MPPED2: variants seen among roughly 807,000 people sequenced by gnomAD.
MPPED2 encodes metallophosphoesterase domain containing 2, also known as metallophosphoesterase MPPED2.
Under a neutral mutation model 33.0 loss-of-function variants are expected in MPPED2, and 5 were observed. The ratio of observed to expected loss-of-function variants is 0.15; its 90% confidence interval spans 0.08 to 0.32. The LOEUF is 0.32. MPPED2 is among the 10% of genes least tolerant of loss of function. MPPED2 has a pLI of 1.00. For missense variants in MPPED2, 275 were observed against 372.1 expected, an observed-to-expected ratio of 0.74 and a Z score of 2.15; for synonymous variants, 136 against 141.9, an observed-to-expected ratio of 0.96 and a Z score of 0.29.
At chr11:30,562,284 G>T (rs1956270031) in intron 2 of MPPED2, among the ~76,000 whole-genome samples, 1 of 152,146 alleles carries the variant, frequency 6.6e-6, no homozygotes, top group African/African-American at 2.4e-5. Context: ...AGCCCATAAG[G>T]CCAGAAGATG....
chr11:30,471,106 C>T (rs1002043775), intron 4 of MPPED2, among the ~76,000 whole-genome samples: 2 of 152,180 alleles, frequency 1.3e-5, no homozygotes, highest in African/African-American at 4.8e-5. Flanking sequence ...CTTAACTTCT[C>T]CCTTGCCCTC....
chr11:30,559,634 T>C (rs1222807801), intron 2 of MPPED2, among the ~76,000 whole-genome samples: 23 of 152,154 alleles, frequency 1.5e-4, no homozygotes, highest in Admixed American at 1.5e-3. Context: ...TCCTTCAAAG[T>C]CTTATAGAAA....
chr11:30,559,573 T>C (rs1164995477), intron 2 of MPPED2, among the ~76,000 whole-genome samples: 1 of 152,194 alleles, frequency 6.6e-6, no homozygotes, highest in Non-Finnish European at 1.5e-5. Flanking sequence ...AATGAAATGT[T>C]TTTCCTAGAT....
intron 6 of MPPED2, among the ~76,000 whole-genome samples, chr11:30,404,679 T>C (rs138897887): frequency 2.8e-4 from 42 of 152,372 alleles, no homozygotes; most frequent in African/African-American, 1.0e-3. Flanking sequence ...TTAACTATTA[T>C]TTACATCTTT....
chr11:30,495,052 A>G, intron 4 of MPPED2: 2 of 473,282 alleles, frequency 4.2e-6, no homozygotes, highest in South Asian at 2.9e-5. Context: ...ACACTGAGGG[A>G]GGCATGACTG....
chr11:30,576,768 G>T (rs921328698), intron 2 of MPPED2, among the ~76,000 whole-genome samples: 17 of 151,862 alleles, frequency 1.1e-4, no homozygotes, highest in Admixed American at 3.9e-4. Flanking sequence ...ACATCTATTA[G>T]TATGCTCAAG....
chr11:30,531,726 C>T (rs1201934351), intron 3 of MPPED2, among the ~76,000 whole-genome samples: 1 of 152,212 alleles, frequency 6.6e-6, no homozygotes, highest in Non-Finnish European at 1.5e-5. Flanking sequence ...AAGTTGTCTA[C>T]ACCAAATGGG....
chr11:30,495,965 C>G (rs1952231809), intron 3 of MPPED2, among the ~76,000 whole-genome samples: 3 of 152,244 alleles, frequency 2.0e-5, no homozygotes, highest in South Asian at 4.1e-4. Context: ...ATGCTTCATA[C>G]TAAAGACATG....
At position 30,516,310 on chromosome 11, in the gene MPPED2, C is replaced by T. The variant is rs142255356; in HGVS notation, c.310+19684G>A. On this transcript the variant is annotated intron_variant, in intron 3 of 6. Coordinates refer to ENST00000358117, the MANE Select transcript of MPPED2 (RefSeq NM_001584.3). ...ACACTCTTCTGATGCATCCAAGTCT[C>T]GTTATTATTATTATTATTTCTATAC... 3.3e-4 allele frequency among the ~76,000 whole-genome samples: 50 copies of T among 152,178 alleles called. No homozygotes were observed. In the East Asian group the frequency reaches 9.3e-3, roughly 28 times the overall value.
chr11:30,453,277 C>G (rs1243623580), intron 4 of MPPED2, among the ~76,000 whole-genome samples: 1 of 152,238 alleles, frequency 6.6e-6, no homozygotes, highest in South Asian at 2.1e-4. Flanking sequence ...CTAAAGCGTT[C>G]CAGGTTCAGA....
At chr11:30,433,739 GAGAT>G (rs895513666) in intron 4 of MPPED2, among the ~76,000 whole-genome samples, 8 of 152,178 alleles carry the variant, frequency 5.3e-5, no homozygotes, top group African/African-American at 9.7e-5. Context: ...TTTTGCAACA[GAGAT>G]AGATAGAAAA....
intron 4 of MPPED2, among the ~76,000 whole-genome samples, chr11:30,443,367 A>G (rs1309685732): frequency 6.6e-6 from 1 of 152,132 alleles, no homozygotes; most frequent in Non-Finnish European, 1.5e-5. Context: ...GGGGTTTAGT[A>G]AAGTTAGATA....
intron 4 of MPPED2, among the ~76,000 whole-genome samples, chr11:30,432,994 T>C (rs1949150383): frequency 6.6e-6 from 1 of 152,240 alleles, no homozygotes; most frequent in Non-Finnish European, 1.5e-5. Flanking sequence ...TAGGCACATG[T>C]TTCTCCTTGC....
intron 2 of MPPED2, among the ~76,000 whole-genome samples, chr11:30,549,548 C>T (rs766476935): frequency 6.6e-6 from 1 of 152,158 alleles, no homozygotes; most frequent in Non-Finnish European, 1.5e-5. Context: ...ACTTGCAGGT[C>T]TCCTATAACT....
At position 30,412,020 on chromosome 11, in the gene MPPED2, G is replaced by C. The variant is rs569630145; in HGVS notation, c.767-434C>G. 1.4e-3 allele frequency among the ~76,000 whole-genome samples: 209 copies of C among 151,900 alleles called. 1 individual carries two copies. The highest frequency in any genetic ancestry group is 4.7e-3 in the African/African-American group (196 of 41,396). On this transcript the variant is annotated intron_variant, in intron 6 of 6. Transcript: ENST00000358117. The stretch of plus-strand genomic sequence containing the variant: ...CCAAGTGGGATATGGGGCAGGTGAG[G>C]GGGGAAAGGATACTGCATTGAGAGT...
intron 1 of MPPED2, among the ~76,000 whole-genome samples, chr11:30,582,974 A>T (rs945802951): frequency 3.3e-5 from 5 of 152,102 alleles, no homozygotes; most frequent in Admixed American, 1.3e-4. Flanking sequence ...CTTTGAAGAA[A>T]ATGTCAGACT....
At chr11:30,568,491 A>G (rs541350013) in intron 2 of MPPED2, among the ~76,000 whole-genome samples, 1 of 152,294 alleles carries the variant, frequency 6.6e-6, no homozygotes, top group East Asian at 1.9e-4. Flanking sequence ...TGTTTATAAC[A>G]TGGCACGACC....
At chr11:30,429,000 G>A (rs1590227529) in intron 4 of MPPED2, 1 of 152,132 alleles carries the variant, frequency 6.6e-6, no homozygotes, top group African/African-American at 2.4e-5. Flanking sequence ...GAATTGAGTA[G>A]ATCTGTCACA....
intron 4 of MPPED2, among the ~76,000 whole-genome samples, chr11:30,477,695 T>C (rs1214990143): frequency 2.6e-5 from 4 of 152,020 alleles, no homozygotes; most frequent in Non-Finnish European, 5.9e-5. Flanking sequence ...TTTTGTTAGG[T>C]TTTGGTATTA....
Sources: gnomAD v4.1 joint callset for allele counts (sites outside exome capture counted in the v4.1 genomes callset) on GRCh38, gnomAD v4.1.1 for gene constraint, MANE v1.5 for transcripts, NCBI Gene and HGNC (gene_info 2026-07-23, HGNC 2026-07-21) for gene names.